PHF3: variants seen among roughly 807,000 people sequenced by gnomAD.
PHF3 encodes PHD finger protein 3.
In PHF3, 41 loss-of-function variants were observed where a neutral mutation model predicts 178.4. The observed-to-expected ratio is 0.23, with a 90% CI of 0.18 to 0.30. The LOEUF (loss-of-function observed/expected upper bound fraction) is 0.30, where lower values mean the gene tolerates loss of function less well. Among genes scored for constraint, PHF3 ranks in the 10% least tolerant of loss-of-function variants. PHF3 has a pLI of 1.00. For synonymous variants in PHF3, 842 were observed against 800.5 expected, an observed-to-expected ratio of 1.05 and a Z score of -0.88; for missense variants, 2,346 against 2,398.1, an observed-to-expected ratio of 0.98 and a Z score of 0.45.
In PHF3 at chr6:63,721,524, G is replaced by A. The variant is rs1476966143; in HGVS notation, c.*7816G>A. The stretch of plus-strand genomic sequence containing the variant: ...AAAACCTACAGGTTCATTTTCTATT[G>A]CCATGGGATTTACAAGATTTAAAGA... On this transcript the variant is annotated 3_prime_UTR_variant, in exon 16 of 16. Coordinates refer to ENST00000262043, the MANE Select transcript of PHF3 (RefSeq NM_001370348.2). 4 of 1,551,036 alleles carry A rather than the reference G, an allele frequency of 2.6e-6. No individual in the cohort carries two copies. The highest frequency in any genetic ancestry group is 3.5e-6 in the Non-Finnish European group (4 of 1,146,400).
chr6:63,720,458 T>C lies in PHF3; in HGVS notation c.*6750T>C, dbSNP rs747686160. 15 of 610,758 alleles carry C rather than the reference T, an allele frequency of 2.5e-5. No individual in the cohort carries two copies. Among genetic ancestry groups the C allele is most frequent in the Non-Finnish European group, 3.7e-5 (14 of 375,416 alleles). The allele number at this position is 610,758 out of a possible 1,614,324, so 37.8% of individuals were successfully genotyped here. On this transcript the variant is annotated 3_prime_UTR_variant, in exon 16 of 16. Transcript: ENST00000262043. The stretch of plus-strand genomic sequence containing the variant: ...CCTTCAGTGACATTTTACAATCTTA[T>C]CAAAAAGATATGTTAGCATTTAGAC...
In PHF3 at chr6:63,715,762, A is replaced by G. The variant is rs1050463340; in HGVS notation, c.*2054A>G. On this transcript the variant is annotated 3_prime_UTR_variant, in exon 16 of 16. Transcript: ENST00000262043. ...GATTGACTGAAACATTTTATGGAGA[A>G]TAGGGAAGGTATGGTCATATTAGCT... Among the ~76,000 whole-genome samples, 1 of 152,098 alleles carries G rather than the reference A, an allele frequency of 6.6e-6. No individual in the cohort carries two copies. The highest frequency in any genetic ancestry group is 6.6e-5 in the Admixed American group (1 of 15,238).
intron 2 of PHF3, among the ~76,000 whole-genome samples, chr6:63,656,401 C>T (rs1477489968): frequency 1.3e-5 from 2 of 151,900 alleles, no homozygotes; most frequent in Non-Finnish European, 1.5e-5. Flanking sequence ...TTACTGAAAC[C>T]CTAAAAAAAC....
Position 63,711,949 on chromosome 6 carries a change from C to T in PHF3, c.4361C>T (p.Pro1454Leu). The T allele has an allele frequency of 1.2e-6, 2 of 1,613,828 alleles. No homozygotes were observed. Among genetic ancestry groups the T allele is most frequent in the Non-Finnish European group, 1.7e-6 (2 of 1,179,914 alleles). The stretch of plus-strand genomic sequence containing the variant: ...GTGTTGATTGGCTGGGAGAATCAAC[C>T]TACTACTCTGGAATTAGCAAATAAA... Reference protein sequence around the residue: ...PGVLIGWENQPTTLELANKPL... With the variant: ...PGVLIGWENQLTTLELANKPL... Residue 1454 changes from proline to leucine, a missense_variant, in exon 16 of 16, where the codon CCT becomes CTT. Pro to Leu is a moderately conservative substitution (Grantham distance 98, BLOSUM62 -3). Coordinates refer to ENST00000262043, the MANE Select transcript of PHF3 (RefSeq NM_001370348.2).
rs1767333426 is a variant in PHF3 at position 63,698,500 on chromosome 6, C to T, written c.2877C>T (p.Ala959=). The T allele has an allele frequency of 6.2e-7, 1 of 1,603,450 alleles. No individual in the cohort carries two copies. The highest frequency in any genetic ancestry group is 1.3e-5 in the African/African-American group (1 of 74,312). The change falls in exon 8 of 16, where the codon GCC becomes GCT. Residue 959 remains alanine (A), a synonymous_variant. Coordinates refer to ENST00000262043, the MANE Select transcript of PHF3 (RefSeq NM_001370348.2). ...KVPEEKAAKV[A]TKIEKELFSF... ...CAGAGGAAAAGGCAGCAAAAGTTGC[C>T]ACAAAAATTGAGAAAGAGCTTTTCT...
At position 63,711,259 on chromosome 6, in the gene PHF3, T is replaced by C; in HGVS notation, c.3894T>C (p.Tyr1298=). Reference sequence around the variant, plus strand: ...CATACTTCAGTAGCAGAAAGCGCTATGGAGTAGCTGCTAACAACATGAAGC... The same window carrying C: ...CATACTTCAGTAGCAGAAAGCGCTACGGAGTAGCTGCTAACAACATGAAGC... The part of the protein sequence containing the change: ...LFAYFSSRKR[Y]GVAANNMKQV... Residue 1298 remains tyrosine, a synonymous_variant, in exon 15 of 16, where the codon TAT becomes TAC. Coordinates refer to ENST00000262043, the MANE Select transcript of PHF3 (RefSeq NM_001370348.2). The C allele has an allele frequency of 1.2e-6, 2 of 1,613,630 alleles. No homozygotes were observed. Among genetic ancestry groups the C allele is most frequent in the Non-Finnish European group, 1.7e-6 (2 of 1,179,636 alleles).
chr6:63,682,704 T>C (rs1179773042), intron 3 of PHF3, among the ~76,000 whole-genome samples: 4 of 152,134 alleles, frequency 2.6e-5, no homozygotes, highest in Non-Finnish European at 4.4e-5. Flanking sequence ...GGCTTCAAAC[T>C]AAGGCAGGTA....
chr6:63,691,776 T>C lies in PHF3; in HGVS notation c.2229T>C (p.His743=), dbSNP rs770728651. Residue 743 remains histidine (H), a synonymous_variant, in exon 5 of 16, where the codon CAT becomes CAC. Transcript: ENST00000262043. ...GTGGGAGATGTGATGACTGGTTTCA[T>C]GGTGATTGTGTTGGGTTAAGTCTTT... ...VGCGRCDDWF[H]GDCVGLSLSQ... 2.8e-5 allele frequency: 45 copies of C among 1,613,150 alleles called. No homozygotes were observed. The highest frequency in any genetic ancestry group is 6.6e-5 in the South Asian group (6 of 91,014).
chr6:63,672,552 A>T (rs1765964972), intron 2 of PHF3, among the ~76,000 whole-genome samples: 1 of 152,208 alleles, frequency 6.6e-6, no homozygotes, highest in African/African-American at 2.4e-5. Context: ...TCCTATATTT[A>T]GATACTCCTT....
At chr6:63,700,964 C>T (rs1382652006) in intron 9 of PHF3, among the ~76,000 whole-genome samples, 4 of 152,024 alleles carry the variant, frequency 2.6e-5, no homozygotes, top group African/African-American at 9.7e-5. Context: ...CTCATTTTCT[C>T]CAGTTACTAG....
At chr6:63,668,363 G>A (rs115239983) in intron 2 of PHF3, among the ~76,000 whole-genome samples, 1,833 of 151,962 alleles carry the variant, frequency 0.012, 39 homozygotes, top group African/African-American at 0.042. Context: ...TTTGAGACAG[G>A]CTCTCTATTG....
chr6:63,657,009 C>T (rs1327430950), intron 2 of PHF3, among the ~76,000 whole-genome samples: 3 of 152,226 alleles, frequency 2.0e-5, no homozygotes, highest in African/African-American at 7.2e-5. Flanking sequence ...TCCCTGGGCA[C>T]TTGGTGGGCC....
At chr6:63,644,390 A>C (rs1321480699) in intron 1 of PHF3, among the ~76,000 whole-genome samples, 3 of 152,170 alleles carry the variant, frequency 2.0e-5, no homozygotes, top group South Asian at 4.1e-4. Context: ...TAATATACTA[A>C]ATTTTTTTTT....
In PHF3 at chr6:63,700,412, A is replaced by G; in HGVS notation, c.3045A>G (p.Pro1015=). 1 of 1,606,670 alleles carries G rather than the reference A, an allele frequency of 6.2e-7. No individual in the cohort carries two copies. Among genetic ancestry groups the G allele is most frequent in the Non-Finnish European group, 8.5e-7 (1 of 1,174,034 alleles). Residue 1015 remains proline, a synonymous_variant, in exon 9 of 16, where the codon CCA becomes CCG. Transcript: ENST00000262043. ...CTGATCATCTTATCAGAATGAGTCCAGAAGAACTAGCTTCTAAAGAGTTAG... is the reference window on the plus strand; with the variant it reads ...CTGATCATCTTATCAGAATGAGTCCGGAAGAACTAGCTTCTAAAGAGTTAG... ...VTPDHLIRMS[P]EELASKELAA...
chr6:63,684,058 A>C, intron 3 of PHF3, 71 bp from the exon 4 acceptor site: 1 of 1,195,650 alleles, frequency 8.4e-7, no homozygotes, highest in East Asian at 2.3e-5. Context: ...GATATATTCT[A>C]AATTGTATTG....
At chr6:63,703,424 T>C (rs546832429) in intron 10 of PHF3, 112 bp from the exon 11 acceptor site, 55 of 1,079,800 alleles carry the variant, frequency 5.1e-5, no homozygotes, top group Non-Finnish European at 6.6e-5. Flanking sequence ...CAAAAACTTA[T>C]CTATGGAACA....
At chr6:63,645,225 C>T (rs957909736) in intron 1 of PHF3, among the ~76,000 whole-genome samples, 1 of 152,068 alleles carries the variant, frequency 6.6e-6, no homozygotes, top group Non-Finnish European at 1.5e-5. Flanking sequence ...CATCCCAGCC[C>T]TTAGCTCAGT....
intron 11 of PHF3, among the ~76,000 whole-genome samples, chr6:63,704,623 G>A (rs2149604701): frequency 6.6e-6 from 1 of 151,966 alleles, no homozygotes; most frequent in Admixed American, 6.6e-5. Context: ...TTGTCTGGAT[G>A]TATAGTTTTT....
chr6:63,675,538 ACT>A (rs1247276298), intron 2 of PHF3, among the ~76,000 whole-genome samples: 1 of 152,062 alleles, frequency 6.6e-6, no homozygotes, highest in African/African-American at 2.4e-5. Flanking sequence ...AGCTCTGGAA[ACT>A]CTGAAGGCAA....
Sources: gnomAD v4.1 joint callset for allele counts (sites outside exome capture counted in the v4.1 genomes callset) on GRCh38, gnomAD v4.1.1 for gene constraint, MANE v1.5 for transcripts, NCBI Gene and HGNC (gene_info 2026-07-23, HGNC 2026-07-21) for gene names.